CEP95: variants seen among roughly 807,000 people sequenced by gnomAD.
CEP95 encodes centrosomal protein of 95 kDa.
Under a neutral mutation model 111.2 loss-of-function variants are expected in CEP95, and 98 were observed. The ratio of observed to expected loss-of-function variants is 0.88; its 90% CI spans 0.75 to 1.04. The LOEUF is 1.04. Among genes scored for constraint, CEP95 ranks in the 50% least tolerant of loss-of-function variants. CEP95 has a pLI of 0.00. For missense variants in CEP95, 1,027 were observed against 977.2 expected (o/e 1.05, Z -0.68); for synonymous variants, 323 against 327.1 (o/e 0.99, Z 0.14).
chr17:64,519,772 CT>C (rs1480230593), intron 6 of CEP95, among the ~76,000 whole-genome samples: 1 of 152,180 alleles, frequency 6.6e-6, no homozygotes, highest in African/African-American at 2.4e-5. Context: ...GGTTGACTCA[CT>C]TTTTTCATTG....
At chr17:64,534,426 T>C (rs1968505056) in intron 16 of CEP95, 159 bp from the exon 17 acceptor site, 1 of 608,930 alleles carries the variant, frequency 1.6e-6, no homozygotes, top group Admixed American at 3.0e-5. Flanking sequence ...ATTGAGGTGA[T>C]AAAGCTGCCA....
At chr17:64,525,966 G>A in intron 9 of CEP95, 84 bp downstream of exon 9, 2 of 1,487,316 alleles carry the variant, frequency 1.3e-6, no homozygotes, top group Non-Finnish European at 1.8e-6. Flanking sequence ...AAATTTAGCT[G>A]TGAAGACCAG....
chr17:64,516,769 G>C lies in CEP95; in HGVS notation c.414G>C (p.Leu138Phe), dbSNP rs368869395. The C allele has an allele frequency of 4.3e-6, 7 of 1,612,700 alleles. No individual in the cohort carries two copies. The highest frequency in any genetic ancestry group is 5.1e-6 in the Non-Finnish European group (6 of 1,178,932). Reference protein sequence around the residue: ...YFKESDRGERLEEPESTKESK... With the variant: ...YFKESDRGERFEEPESTKESK... ...AAGAATCTGATCGAGGAGAACGTTT[G>C]GAAGAGCCAGAAAGTACTAAAGAAT... Residue 138 changes from leucine to phenylalanine, a missense_variant, in exon 5 of 20, where the codon TTG (leucine) becomes TTC (phenylalanine). By Grantham distance (22) the Leu-to-Phe change is conservative (BLOSUM62 0). Transcript: ENST00000556440.
At chr17:64,536,438 T>C in intron 17 of CEP95, 164 bp from the exon 18 acceptor site, 1 of 498,666 alleles carries the variant, frequency 2.0e-6, no homozygotes, top group Non-Finnish European at 3.5e-6. Context: ...GACAGAGCAA[T>C]AACCTGTCTC....
intron 4 of CEP95, among the ~76,000 whole-genome samples, 189 bp from the exon 5 acceptor site, chr17:64,516,530 GTTTC>G (rs2039152505): frequency 6.6e-6 from 1 of 152,110 alleles, no homozygotes; most frequent in Non-Finnish European, 1.5e-5. Flanking sequence ...CAATATTCTT[GTTTC>G]TTTGTTACTC....
chr17:64,523,718 T>C (rs1398521863), intron 8 of CEP95, among the ~76,000 whole-genome samples: 2 of 152,072 alleles, frequency 1.3e-5, no homozygotes, highest in Non-Finnish European at 2.9e-5. Context: ...CTGGGAAACA[T>C]AGTGAGACCT....
chr17:64,531,354 A>AT (rs1968268644), intron 13 of CEP95, among the ~76,000 whole-genome samples: 1 of 152,260 alleles, frequency 6.6e-6, no homozygotes, highest in African/African-American at 2.4e-5. Context: ...AAGACAGAAC[A>AT]TCCTAGTTGG....
intron 11 of CEP95, 64 bp downstream of exon 11, chr17:64,527,328 G>C: frequency 8.1e-7 from 1 of 1,233,710 alleles, no homozygotes; most frequent in Non-Finnish European, 1.1e-6. Context: ...AGTTCCATCT[G>C]TTCTTAATAA....
intron 2 of CEP95, among the ~76,000 whole-genome samples, chr17:64,509,051 A>G (rs1555673980): frequency 6.6e-6 from 1 of 152,154 alleles, no homozygotes; most frequent in African/African-American, 2.4e-5. Flanking sequence ...TGCCTTGTGA[A>G]AGTTGCATCT....
At chr17:64,531,725 A>G (rs1568152558) in intron 13 of CEP95, among the ~76,000 whole-genome samples, 165 bp from the exon 14 acceptor site, 1 of 152,232 alleles carries the variant, frequency 6.6e-6, no homozygotes, top group Non-Finnish European at 1.5e-5. Flanking sequence ...GTAAATGAAT[A>G]TTAACCAGAT....
chr17:64,507,017 G>T lies in CEP95; in HGVS notation c.-81G>T. 6.6e-7 allele frequency: 1 copy of T among 1,511,538 alleles called. No homozygotes were observed. The highest frequency in any genetic ancestry group is 2.5e-5 in the East Asian group (1 of 40,760). The allele number at this position is 1,511,538 out of a possible 1,614,324, so 93.6% of individuals were successfully genotyped here. A position where few individuals can be genotyped will look rare whatever the true frequency, so the allele number is the denominator to read the frequency against. On this transcript the variant is annotated 5_prime_UTR_variant, in exon 1 of 20. Transcript: ENST00000556440. ...GTTCGTGCGTCCGCGCCCCAGTGTC[G>T]GGTCTGCGTGGATCGGTCCTTCCAG...
At chr17:64,513,117 C>T (rs981569596) in intron 3 of CEP95, among the ~76,000 whole-genome samples, 10 of 152,128 alleles carry the variant, frequency 6.6e-5, no homozygotes, top group African/African-American at 2.2e-4. Flanking sequence ...CGGAAAAACA[C>T]GTCCAAAACC....
chr17:64,530,997 A>C lies in CEP95; in HGVS notation c.1518A>C (p.Ile506=). The C allele has an allele frequency of 1.9e-6, 3 of 1,551,364 alleles. No homozygotes were observed. Among genetic ancestry groups the C allele is most frequent in the Non-Finnish European group, 2.6e-6 (3 of 1,145,242 alleles). The change falls in exon 13 of 20, where the codon ATA becomes ATC. Residue 506 remains isoleucine (I), a synonymous_variant. Coordinates refer to ENST00000556440, the MANE Select transcript of CEP95 (RefSeq NM_138363.3). Reference sequence around the variant, plus strand: ...AAGAGAATATTGGACCTCTAAGAATACATGAGAAGGAGGAGGAAACAGTGG... The same window carrying C: ...AAGAGAATATTGGACCTCTAAGAATCCATGAGAAGGAGGAGGAAACAGTGG... ...KVQENIGPLR[I]HEKEEETEKI...
chr17:64,537,216 C>T, intron 19 of CEP95, 104 bp downstream of exon 19: 1 of 1,520,910 alleles, frequency 6.6e-7, no homozygotes, highest in Non-Finnish European at 8.8e-7. Flanking sequence ...TATCATATAG[C>T]CCCGGTGTGC....
At chr17:64,526,262 C>G in intron 10 of CEP95, 62 bp downstream of exon 10, 1 of 1,464,070 alleles carries the variant, frequency 6.8e-7, no homozygotes. Context: ...TTTAAGTAAT[C>G]TCTCAATTGA....
chr17:64,523,325 C>G (rs1271932289), intron 8 of CEP95, among the ~76,000 whole-genome samples: 1 of 152,078 alleles, frequency 6.6e-6, no homozygotes, highest in African/African-American at 2.4e-5. Context: ...GGCAAGGTTA[C>G]ACAGCAATTA....
At chr17:64,532,527 C>T (rs368008345) in intron 14 of CEP95, 26 of 985,348 alleles carry the variant, frequency 2.6e-5, no homozygotes, top group South Asian at 1.9e-4. Context: ...ACTTGCCTAC[C>T]GGGAAGGTTG....
chr17:64,537,265 C>T (rs1375717348), intron 19 of CEP95, 153 bp downstream of exon 19: 25 of 1,402,132 alleles, frequency 1.8e-5, no homozygotes, highest in Non-Finnish European at 2.3e-5. Flanking sequence ...AGTACACTGA[C>T]ATTTTGCACA....
intron 11 of CEP95, among the ~76,000 whole-genome samples, chr17:64,528,601 A>G (rs192777379): frequency 6.6e-6 from 1 of 152,366 alleles, no homozygotes; most frequent in East Asian, 1.9e-4. Context: ...GACTTGAATT[A>G]AAAGCATGTG....
Sources: gnomAD v4.1 joint callset for allele counts (sites outside exome capture counted in the v4.1 genomes callset) on GRCh38, gnomAD v4.1.1 for gene constraint, MANE v1.5 for transcripts, NCBI Gene and HGNC (gene_info 2026-07-23, HGNC 2026-07-21) for gene names.